ZC3H8: variants seen among roughly 807,000 people sequenced by gnomAD.
The protein encoded by ZC3H8 is zinc finger CCCH domain-containing protein 8.
A neutral mutation model predicts 42.5 loss-of-function variants in ZC3H8; 27 were observed. The ratio of observed to expected loss-of-function variants is 0.64; its 90% CI spans 0.47 to 0.88. The LOEUF is 0.88. ZC3H8 is among the 40% of genes least tolerant of loss of function. ZC3H8 has a pLI of 0.00. For synonymous variants in ZC3H8, 101 were observed against 110.1 expected (o/e 0.92, Z 0.52); for missense variants, 277 against 336.1 (o/e 0.82, Z 1.37).
intron 8 of ZC3H8, among the ~76,000 whole-genome samples, chr2:112,221,908 G>A (rs1218901071): frequency 1.3e-5 from 2 of 152,108 alleles, no homozygotes; most frequent in Non-Finnish European, 2.9e-5. Context: ...TAGGGAACTG[G>A]TACAGTCATT....
Position 112,230,916 on chromosome 2 carries a change from T to C in ZC3H8, c.*2A>G. ...TTCTAATTTTACCTTTTTATGTCTA[T>C]TTTATTTACATGACTTCTTTTCAGT... On this transcript the variant is annotated 3_prime_UTR_variant, in exon 8 of 9. Transcript: ENST00000409573. 1 of 1,284,258 alleles carries C rather than the reference T, an allele frequency of 7.8e-7. No individual in the cohort carries two copies. Among genetic ancestry groups the C allele is most frequent in the Non-Finnish European group, 1.0e-6 (1 of 981,210 alleles). 79.6% of individuals were successfully genotyped at this position (1,284,258 alleles called of 1,614,324 possible).
chr2:112,216,429 C>T lies in ZC3H8; in HGVS notation c.*55G>A, dbSNP rs746066515. 3 of 152,226 alleles carry T rather than the reference C, an allele frequency of 2.0e-5. No individual in the cohort carries two copies. Among genetic ancestry groups the T allele is most frequent in the African/African-American group, 4.8e-5 (2 of 41,442 alleles). 9.4% of individuals were successfully genotyped at this position (152,226 alleles called of 1,614,324 possible). ...CACCAGTCTTGAACAGTCTTGAACACGCATGGGCGTTAAAGTACTCTTTAT... is the reference window on the plus strand; with the variant it reads ...CACCAGTCTTGAACAGTCTTGAACATGCATGGGCGTTAAAGTACTCTTTAT... On this transcript the variant is annotated 3_prime_UTR_variant, in exon 9 of 9. Transcript: ENST00000409573.
rs1684313774 is a variant in ZC3H8 at position 112,216,244 on chromosome 2, T to C, written c.*240A>G. The C allele has an allele frequency of 6.6e-6, 1 of 152,234 alleles. No individual in the cohort carries two copies. The highest frequency in any genetic ancestry group is 1.5e-5 in the Non-Finnish European group (1 of 68,058). 9.4% of individuals were successfully genotyped at this position (152,234 alleles called of 1,614,324 possible). A position where few individuals can be genotyped will look rare whatever the true frequency, so the allele number is the denominator to read the frequency against. Reference sequence around the variant, plus strand: ...CAGCCATCACCTCTGCCATATATGCTCCTCTCCTATTCCAATGGCTGGAAT... The same window carrying C: ...CAGCCATCACCTCTGCCATATATGCCCCTCTCCTATTCCAATGGCTGGAAT... On this transcript the variant is annotated 3_prime_UTR_variant, in exon 9 of 9. Coordinates refer to ENST00000409573, the MANE Select transcript of ZC3H8 (RefSeq NM_032494.3).
Position 112,236,678 on chromosome 2 carries a change from T to A in ZC3H8, c.388A>T (p.Lys130Ter). ...DTPQAAKQKN[K>*]NLKAGHKNGK... ...TTCTTGTGACCAGCTTTAAGATTTTTATTTTTTTGTTTAGCAGCTAAAAAC... is the reference window on the plus strand; with the variant it reads ...TTCTTGTGACCAGCTTTAAGATTTTAATTTTTTTGTTTAGCAGCTAAAAAC... The change falls in exon 4 of 9, where the codon AAA becomes TAA. Residue 130 changes from lysine to a stop codon, truncating the protein, a stop_gained. Transcript: ENST00000409573. LOFTEE classifies it high-confidence loss of function. The A allele has an allele frequency of 1.2e-6, 2 of 1,611,086 alleles. No individual in the cohort carries two copies. The highest frequency in any genetic ancestry group is 1.1e-5 in the South Asian group (1 of 90,444).
At chr2:112,233,067 G>C (rs1685161436) in intron 6 of ZC3H8, among the ~76,000 whole-genome samples, 193 bp downstream of exon 6, 1 of 152,176 alleles carries the variant, frequency 6.6e-6, no homozygotes, top group African/African-American at 2.4e-5. Context: ...CATCATTTGA[G>C]AGATTTTCTA....
intron 4 of ZC3H8, 29 bp downstream of exon 4, chr2:112,236,533 G>C (rs1402503348): frequency 1.2e-6 from 2 of 1,607,438 alleles, no homozygotes; most frequent in Non-Finnish European, 1.7e-6. Flanking sequence ...GCAGGGGTCA[G>C]GTATTCCTAG....
intron 2 of ZC3H8, among the ~76,000 whole-genome samples, chr2:112,248,083 C>T (rs1170375083): frequency 2.6e-5 from 4 of 152,150 alleles, no homozygotes; most frequent in Non-Finnish European, 4.4e-5. Context: ...CCTAGCACTT[C>T]GGGAGGCCGA....
chr2:112,248,102 G>A (rs556215114), intron 2 of ZC3H8, among the ~76,000 whole-genome samples: 9 of 152,336 alleles, frequency 5.9e-5, no homozygotes, highest in African/African-American at 2.2e-4. Context: ...GAGGCTGGCA[G>A]ATCACTTGAG....
At chr2:112,246,647 G>A (rs1302324427) in intron 2 of ZC3H8, among the ~76,000 whole-genome samples, 1 of 152,204 alleles carries the variant, frequency 6.6e-6, no homozygotes, top group Admixed American at 6.5e-5. Flanking sequence ...GATCAAACTT[G>A]AACAGATGAG....
chr2:112,243,341 T>A (rs577613661), intron 2 of ZC3H8, among the ~76,000 whole-genome samples: 155 of 152,324 alleles, frequency 1.0e-3, no homozygotes, highest in African/African-American at 3.6e-3. Flanking sequence ...AAAAGACAAA[T>A]CTAAGAGAAG....
chr2:112,238,556 A>T, intron 2 of ZC3H8, 28 bp from the exon 3 acceptor site: 2 of 1,556,072 alleles, frequency 1.3e-6, no homozygotes, highest in Non-Finnish European at 1.7e-6. Flanking sequence ...CTTCAATTTT[A>T]AAAACCTAGC....
chr2:112,252,563 A>G (rs1685987247), intron 1 of ZC3H8, among the ~76,000 whole-genome samples: 2 of 152,156 alleles, frequency 1.3e-5, no homozygotes, highest in Admixed American at 1.3e-4. Flanking sequence ...AGTAAAAGCC[A>G]AAGTCCTTAT....
intron 4 of ZC3H8, 148 bp from the exon 5 acceptor site, chr2:112,234,384 C>T (rs1472940301): frequency 1.7e-6 from 1 of 592,406 alleles, no homozygotes; most frequent in Admixed American, 3.5e-5. Context: ...GATTTCTGTA[C>T]ACCAGGTTAA....
chr2:112,244,398 A>T (rs546646362), intron 2 of ZC3H8, among the ~76,000 whole-genome samples: 147 of 152,366 alleles, frequency 9.6e-4, no homozygotes, highest in African/African-American at 3.3e-3. Flanking sequence ...CCAATGAGAA[A>T]CCAACAGCTA....
chr2:112,218,582 T>A (rs1684432195), intron 8 of ZC3H8, among the ~76,000 whole-genome samples: 1 of 152,182 alleles, frequency 6.6e-6, no homozygotes, highest in African/African-American at 2.4e-5. Flanking sequence ...GGTTGACTCT[T>A]GAACAACACA....
At chr2:112,224,389 C>T (rs565097972) in intron 8 of ZC3H8, among the ~76,000 whole-genome samples, 4 of 152,154 alleles carry the variant, frequency 2.6e-5, no homozygotes, top group Non-Finnish European at 5.9e-5. Context: ...TATCAAGCTA[C>T]AATTTGAAGA....
chr2:112,217,094 C>T (rs1015577415), intron 8 of ZC3H8, among the ~76,000 whole-genome samples: 3 of 152,092 alleles, frequency 2.0e-5, no homozygotes, highest in Non-Finnish European at 4.4e-5. Flanking sequence ...ACAGACCAGG[C>T]GCGGTGGCTC....
chr2:112,222,860 T>C (rs1237501614), intron 8 of ZC3H8, among the ~76,000 whole-genome samples: 1 of 152,228 alleles, frequency 6.6e-6, no homozygotes, highest in African/African-American at 2.4e-5. Flanking sequence ...GTGGTGGTAA[T>C]GGTTTCAAAA....
chr2:112,229,494 CAG>C (rs937124299), intron 8 of ZC3H8, among the ~76,000 whole-genome samples: 2 of 152,150 alleles, frequency 1.3e-5, no homozygotes, highest in Non-Finnish European at 2.9e-5. Context: ...GTGCTGTAAA[CAG>C]GGCTTTGCCC....
Sources: gnomAD v4.1 joint callset for allele counts (sites outside exome capture counted in the v4.1 genomes callset) on GRCh38, gnomAD v4.1.1 for gene constraint, MANE v1.5 for transcripts, NCBI Gene and HGNC (gene_info 2026-07-23, HGNC 2026-07-21) for gene names.